The following ZMAT4 variants were observed in gnomAD, a reference collection of about 807,000 sequenced individuals.
ZMAT4 encodes the protein zinc finger matrin-type 4.
In ZMAT4, 17 loss-of-function variants were observed where a neutral mutation model predicts 28.7. That is an observed-to-expected ratio of 0.59 (90% CI 0.41 to 0.89). ZMAT4 has a LOEUF of 0.89. ZMAT4 is among the 40% of genes least tolerant of loss of function. The pLI, the probability that ZMAT4 is intolerant of heterozygous loss-of-function variation, is 0.00. For missense variants in ZMAT4, 240 were observed against 283.8 expected (o/e 0.85, Z 1.11); for synonymous variants, 117 against 109.2 (o/e 1.07, Z -0.44).
intron 1 of ZMAT4, among the ~76,000 whole-genome samples, chr8:40,828,128 C>T (rs536852296): frequency 6.6e-6 from 1 of 152,310 alleles, no homozygotes; most frequent in South Asian, 2.1e-4. Flanking sequence ...ATTCCAGTGC[C>T]AACCCACAAT....
chr8:40,828,786 G>A (rs1033110106), intron 1 of ZMAT4, among the ~76,000 whole-genome samples: 9 of 152,050 alleles, frequency 5.9e-5, no homozygotes, highest in African/African-American at 2.2e-4. Context: ...GAAAAAGAGA[G>A]CGCAGTCCAT....
intron 1 of ZMAT4, among the ~76,000 whole-genome samples, chr8:40,893,246 C>G (rs757698108): frequency 1.3e-5 from 2 of 152,178 alleles, no homozygotes; most frequent in Non-Finnish European, 2.9e-5. Context: ...ATCACCATGG[C>G]CCGCACGAGA....
chr8:40,596,447 ATTC>A (rs1187168197), intron 5 of ZMAT4, among the ~76,000 whole-genome samples: 1 of 152,204 alleles, frequency 6.6e-6, no homozygotes, highest in African/African-American at 2.4e-5. Context: ...ATTTCCTTAT[ATTC>A]TTATTCTATA....
chr8:40,540,559 G>A (rs1175745820), intron 6 of ZMAT4, among the ~76,000 whole-genome samples: 1 of 152,124 alleles, frequency 6.6e-6, no homozygotes, highest in African/African-American at 2.4e-5. Context: ...TAATAAAACT[G>A]TAATTGCAAG....
At chr8:40,865,538 C>T (rs958670358) in intron 1 of ZMAT4, among the ~76,000 whole-genome samples, 2 of 152,136 alleles carry the variant, frequency 1.3e-5, no homozygotes, top group Non-Finnish European at 2.9e-5. Context: ...AGAGGATGGA[C>T]AATGACCATC....
chr8:40,892,134 C>T (rs1235581388), intron 1 of ZMAT4, among the ~76,000 whole-genome samples: 1 of 152,154 alleles, frequency 6.6e-6, no homozygotes, highest in Non-Finnish European at 1.5e-5. Context: ...CATCCCGTTC[C>T]GTAAGGTAAC....
intron 5 of ZMAT4, among the ~76,000 whole-genome samples, chr8:40,615,206 A>G (rs1805954248): frequency 6.6e-6 from 1 of 152,140 alleles, no homozygotes; most frequent in East Asian, 1.9e-4. Context: ...GCTGGATATG[A>G]AATTCTGGGT....
intron 3 of ZMAT4, among the ~76,000 whole-genome samples, chr8:40,736,710 G>A (rs904505746): frequency 1.3e-5 from 2 of 152,190 alleles, no homozygotes; most frequent in Non-Finnish European, 1.5e-5. Context: ...AGGAAGGCTC[G>A]TGAAGTAATG....
intron 4 of ZMAT4, among the ~76,000 whole-genome samples, chr8:40,691,211 T>C (rs943789114): frequency 1.3e-5 from 2 of 152,188 alleles, no homozygotes; most frequent in East Asian, 3.8e-4. Context: ...ATTCATTAAC[T>C]TTAAACTCAC....
Position 40,825,655 on chromosome 8 carries a change from G to T in ZMAT4, c.22C>A (p.Gln8Lys). Residue 8 changes from glutamine to lysine, a missense_variant, in exon 2 of 7, where the codon CAG becomes AAG. Gln to Lys is a moderately conservative substitution (Grantham distance 53, BLOSUM62 1). Coordinates refer to ENST00000297737, the MANE Select transcript of ZMAT4 (RefSeq NM_024645.3). ...CAGTAACTGTCTGTGAATAAATCCTGATCAATATCGGAGGACTTCATCAGG... is the reference window on the plus strand; with the variant it reads ...CAGTAACTGTCTGTGAATAAATCCTTATCAATATCGGAGGACTTCATCAGG... MKSSDID[Q>K]DLFTDSYCKV... 1 of 1,554,636 alleles carries T rather than the reference G, an allele frequency of 6.4e-7. No homozygotes were observed. Among genetic ancestry groups the T allele is most frequent in the South Asian group, 1.2e-5 (1 of 84,328 alleles).
intron 1 of ZMAT4, among the ~76,000 whole-genome samples, chr8:40,862,896 C>G (rs1817555082): frequency 6.6e-6 from 1 of 151,780 alleles, no homozygotes; most frequent in African/African-American, 2.4e-5. Context: ...GTGCAGCACA[C>G]TGTCATGGCA....
intron 1 of ZMAT4, among the ~76,000 whole-genome samples, chr8:40,879,096 A>AGG: frequency 6.6e-6 from 1 of 152,180 alleles, no homozygotes; most frequent in Non-Finnish European, 1.5e-5. Context: ...TGCTGTCTCC[A>AGG]CAGCACACCC....
chr8:40,700,411 C>CTTTTTT (rs1353453005), intron 3 of ZMAT4, among the ~76,000 whole-genome samples: 10 of 97,346 alleles, frequency 1.0e-4, no homozygotes, highest in African/African-American at 2.6e-4. Context: ...TGCTGCTTTT[C>CTTTTTT]TTTTTTTTTT....
At chr8:40,670,266 C>A (rs909024951) in intron 5 of ZMAT4, among the ~76,000 whole-genome samples, 1 of 152,166 alleles carries the variant, frequency 6.6e-6, no homozygotes, top group African/African-American at 2.4e-5. Context: ...CAACAAAGGT[C>A]ATTCACAGCA....
chr8:40,888,045 C>T (rs960273762), intron 1 of ZMAT4, among the ~76,000 whole-genome samples: 22 of 152,222 alleles, frequency 1.4e-4, no homozygotes, highest in African/African-American at 5.1e-4. Flanking sequence ...CCTGTGAGTC[C>T]GTGTTCACCC....
chr8:40,555,849 A>G (rs945847550), intron 6 of ZMAT4, among the ~76,000 whole-genome samples: 4 of 152,082 alleles, frequency 2.6e-5, no homozygotes, highest in African/African-American at 9.7e-5. Flanking sequence ...GGATTCTCCC[A>G]TTCTATTTAA....
intron 5 of ZMAT4, among the ~76,000 whole-genome samples, chr8:40,673,323 A>G (rs992003463): frequency 1.3e-5 from 2 of 152,088 alleles, no homozygotes; most frequent in African/African-American, 2.4e-5. Context: ...GACCTTTTAT[A>G]TTACTTATTT....
Position 40,740,992 on chromosome 8 carries a change from GCACACACACA to G in ZMAT4, c.192+26639_192+26648del, listed in dbSNP as rs5891118. On this transcript the variant is annotated intron_variant, in intron 3 of 6. Transcript: ENST00000297737. The stretch of plus-strand genomic sequence containing the variant: ...AACAGCACTAACCTTTGATAAATGC[GCACACACACA>G]CACACACACACACACACACGCACAC... 5.0e-4 allele frequency among the ~76,000 whole-genome samples: 75 copies of G among 148,590 alleles called. No homozygotes were observed. In the East Asian group the frequency reaches 0.012, roughly 24 times the overall value.
At chr8:40,698,270 C>G (rs1386462473) in intron 3 of ZMAT4, among the ~76,000 whole-genome samples, 3 of 152,020 alleles carry the variant, frequency 2.0e-5, no homozygotes, top group Non-Finnish European at 4.4e-5. Context: ...CTTTGTAATA[C>G]TTAATGAAAA....
Sources: allele counts gnomAD v4.1 joint callset (sites outside exome capture counted in the v4.1 genomes callset), GRCh38; gene constraint gnomAD v4.1.1; transcripts MANE v1.5; gene names NCBI Gene and HGNC (gene_info 2026-07-23, HGNC 2026-07-21).